The following RARB variants were observed in gnomAD, a reference collection of about 807,000 sequenced individuals.
The protein encoded by RARB is HBV-activated protein.
Under a neutral mutation model 51.9 loss-of-function variants are expected in RARB, and 17 were observed. That is an observed-to-expected ratio of 0.33 (90% CI 0.22 to 0.49). The LOEUF (loss-of-function observed/expected upper bound fraction) is 0.49. Among genes scored for constraint, RARB ranks in the 20% least tolerant of loss-of-function variants. RARB has a pLI of 0.99. For synonymous variants in RARB, 215 were observed against 195.4 expected, an observed-to-expected ratio of 1.10 and a Z score of -0.84; for missense variants, 369 against 550.8, an observed-to-expected ratio of 0.67 and a Z score of 3.30.
chr3:24,855,435 G>C (rs1345857970), intron 1 of RARB, among the ~76,000 whole-genome samples: 1 of 152,162 alleles, frequency 6.6e-6, no homozygotes, highest in East Asian at 1.9e-4. Context: ...TTGCAGACTT[G>C]ACTTCTGTAT....
chr3:25,332,810 T>C (rs569026654), intron 5 of RARB, among the ~76,000 whole-genome samples: 26 of 152,318 alleles, frequency 1.7e-4, no homozygotes, highest in African/African-American at 5.1e-4. Context: ...CTTAAGCTGT[T>C]AAGCAACTTC....
At chr3:25,190,316 A>G (rs1701072351) in intron 5 of RARB, among the ~76,000 whole-genome samples, 1 of 152,080 alleles carries the variant, frequency 6.6e-6, no homozygotes, top group Non-Finnish European at 1.5e-5. Flanking sequence ...GATACACGCA[A>G]CAAAAACACT....
chr3:25,428,576 C>T lies in RARB; in HGVS notation c.-156C>T, dbSNP rs539377859. On this transcript the variant is annotated 5_prime_UTR_variant, in exon 1 of 8. Coordinates refer to ENST00000330688, the MANE Select transcript of RARB (RefSeq NM_000965.5). ...AATTACAGGCTTTTAGCTGGCTTGTCTGTCATAATTCATGATTCGGGGCTG... is the reference window on the plus strand; with the variant it reads ...AATTACAGGCTTTTAGCTGGCTTGTTTGTCATAATTCATGATTCGGGGCTG... 2.2e-6 allele frequency: 3 copies of T among 1,344,224 alleles called. No individual in the cohort carries two copies. Among genetic ancestry groups the T allele is most frequent in the Non-Finnish European group, 2.9e-6 (3 of 1,043,238 alleles). The allele number at this position is 1,344,224 out of a possible 1,614,324, so 83.3% of individuals were successfully genotyped here. A position where few individuals can be genotyped will look rare whatever the true frequency, so the allele number is the denominator to read the frequency against.
chr3:25,132,987 A>G (rs1338775241), intron 4 of RARB, among the ~76,000 whole-genome samples: 1 of 152,006 alleles, frequency 6.6e-6, no homozygotes, highest in African/African-American at 2.4e-5. Flanking sequence ...CAATTTGACT[A>G]TAAAGTACAC....
chr3:24,972,020 G>C lies in RARB; in HGVS notation c.-379-88105G>C, dbSNP rs375317494. 9.9e-5 allele frequency among the ~76,000 whole-genome samples: 15 copies of C among 151,644 alleles called. No individual in the cohort carries two copies. The East Asian group carries it at 2.5e-3, about 26-fold the overall frequency. On this transcript the variant is annotated intron_variant, in intron 2 of 11. Transcript: ENST00000383772. ...GGAACATTCGAGTTATTCTCTTCTA[G>C]CTATTTTGAAATGTACGATGGATTA... is the stretch of plus-strand genomic sequence containing the variant.
chr3:25,265,613 C>T (rs1703107891), intron 5 of RARB, among the ~76,000 whole-genome samples: 1 of 152,146 alleles, frequency 6.6e-6, no homozygotes, highest in South Asian at 2.1e-4. Flanking sequence ...GCTGAGACTA[C>T]AGGCATGCAC....
At chr3:25,413,994 G>T (rs375186699) in intron 5 of RARB, among the ~76,000 whole-genome samples, 1 of 152,036 alleles carries the variant, frequency 6.6e-6, no homozygotes, top group East Asian at 1.9e-4. Flanking sequence ...CCATAATCAA[G>T]ATATAAACAT....
intron 3 of RARB, among the ~76,000 whole-genome samples, chr3:25,104,856 G>A (rs1699467950): frequency 6.6e-6 from 1 of 152,142 alleles, no homozygotes; most frequent in African/African-American, 2.4e-5. Flanking sequence ...TGATACCAGT[G>A]TAGATACACA....
At chr3:25,159,745 A>G (rs780579773) in intron 4 of RARB, among the ~76,000 whole-genome samples, 32 of 152,152 alleles carry the variant, frequency 2.1e-4, no homozygotes, top group Non-Finnish European at 2.9e-4. Flanking sequence ...CACACAGCCA[A>G]GCTGCCAGAG....
At chr3:25,573,434 C>T (rs1359531905) in intron 4 of RARB, among the ~76,000 whole-genome samples, 3 of 152,160 alleles carry the variant, frequency 2.0e-5, no homozygotes, top group African/African-American at 4.8e-5. Flanking sequence ...AACAGAAACA[C>T]GATTTTATCT....
At chr3:25,327,883 G>A (rs1352427087) in intron 5 of RARB, among the ~76,000 whole-genome samples, 2 of 152,154 alleles carry the variant, frequency 1.3e-5, no homozygotes, top group African/African-American at 4.8e-5. Context: ...TTAAGAGTAG[G>A]TGTATAAGCA....
intron 5 of RARB, among the ~76,000 whole-genome samples, chr3:25,310,427 C>T (rs916331922): frequency 6.6e-6 from 1 of 152,128 alleles, no homozygotes; most frequent in African/African-American, 2.4e-5. Flanking sequence ...GAAAAGTACT[C>T]GGAGTTATCA....
chr3:25,263,644 G>A (rs1703058451), intron 5 of RARB, among the ~76,000 whole-genome samples: 2 of 152,124 alleles, frequency 1.3e-5, no homozygotes, highest in Admixed American at 1.3e-4. Context: ...GCCATGTATT[G>A]TCTTTCAAAG....
intron 5 of RARB, among the ~76,000 whole-genome samples, chr3:25,343,022 CTTTGTGTGTGTGTGTG>C (rs1433560355): frequency 2.0e-4 from 18 of 89,466 alleles, no homozygotes; most frequent in African/African-American, 8.7e-4. Context: ...TTTGCAAGTA[CTTTGTGTGTGTGTGTG>C]TGTGTGTGTG....
intron 5 of RARB, among the ~76,000 whole-genome samples, chr3:25,417,080 C>T (rs147748663): frequency 1.0e-3 from 156 of 152,052 alleles, no homozygotes; most frequent in African/African-American, 3.4e-3. Context: ...ATAGCCAGAA[C>T]AAGCCTAAGC....
At chr3:25,093,772 C>A (rs1230304985) in intron 3 of RARB, among the ~76,000 whole-genome samples, 2 of 152,072 alleles carry the variant, frequency 1.3e-5, no homozygotes, top group Non-Finnish European at 2.9e-5. Flanking sequence ...GTGGCCCAGC[C>A]AGAAGTGACT....
chr3:25,122,261 T>A (rs138131992), intron 3 of RARB, among the ~76,000 whole-genome samples: 1 of 152,170 alleles, frequency 6.6e-6, no homozygotes, highest in African/African-American at 2.4e-5. Context: ...TGTGCGATGC[T>A]TAACAAATGG....
chr3:24,908,304 G>A (rs1191097357), intron 2 of RARB, among the ~76,000 whole-genome samples: 1 of 152,156 alleles, frequency 6.6e-6, no homozygotes, highest in Non-Finnish European at 1.5e-5. Flanking sequence ...GTAAAATGCA[G>A]TAGGTATTTA....
chr3:25,070,662 A>G (rs1052215939), intron 3 of RARB, among the ~76,000 whole-genome samples: 2 of 152,234 alleles, frequency 1.3e-5, no homozygotes, highest in African/African-American at 2.4e-5. Context: ...GCCAGACACA[A>G]TCCCTGAGTG....
Sources: gnomAD v4.1 joint callset for allele counts (sites outside exome capture counted in the v4.1 genomes callset) on GRCh38, gnomAD v4.1.1 for gene constraint, MANE v1.5 for transcripts, NCBI Gene and HGNC (gene_info 2026-07-23, HGNC 2026-07-21) for gene names.